The following LGR5 variants were observed in gnomAD, a reference collection of about 807,000 sequenced individuals.
LGR5 encodes leucine-rich repeat-containing G protein-coupled receptor 5.
Under a neutral mutation model 76.7 loss-of-function variants are expected in LGR5, and 54 were observed. That is an observed-to-expected ratio of 0.70 (90% confidence interval 0.57 to 0.88). The LOEUF (loss-of-function observed/expected upper bound fraction) is 0.88, where lower values mean the gene tolerates loss of function less well. Among genes scored for constraint, LGR5 ranks in the 40% least tolerant of loss-of-function variants. LGR5 has a pLI of 0.00. For missense variants in LGR5, 1,078 were observed against 1,073.3 expected (o/e 1.00, Z -0.06); for synonymous variants, 406 against 421.9 (o/e 0.96, Z 0.46).
chr12:71,449,037 T>C (rs995646377), intron 1 of LGR5, among the ~76,000 whole-genome samples: 2 of 152,220 alleles, frequency 1.3e-5, no homozygotes, highest in Non-Finnish European at 2.9e-5. Context: ...CTGACGGAAC[T>C]GAGAGACTGT....
chr12:71,553,034 TTTGCTCTCTTTTCCATTC>T lies in LGR5; in HGVS notation c.429-33_429-16del, dbSNP rs540583176. ...TGCAAAGTTGACCTTCTGCTTGGGC[TTTGCTCTCTTTTCCATTC>T]TTGCTTTCTTTCTTCCACAGGCGTC... On this transcript the variant is annotated intron_variant, in intron 4 of 17. Transcript: ENST00000266674. 1.1e-4 allele frequency: 176 copies of T among 1,589,802 alleles called. No homozygotes were observed. In the East Asian group the frequency reaches 3.7e-3, roughly 34 times the overall value.
chr12:71,578,810 A>G lies in LGR5; in HGVS notation c.1287A>G (p.Leu429=), dbSNP rs199989944. 6 of 1,606,840 alleles carry G rather than the reference A, an allele frequency of 3.7e-6. No individual in the cohort carries two copies. The highest frequency in any genetic ancestry group is 5.1e-6 in the Non-Finnish European group (6 of 1,176,942). The change falls in exon 15 of 18, where the codon CTA becomes CTG. Residue 429 remains leucine, a synonymous_variant. Transcript: ENST00000266674. ...STLPSLIKLD[L]SSNLLSSFPI... is the part of the protein sequence containing the mutation. Reference sequence around the variant, plus strand: ...GTTGTTTGATGTTTTGCAGGGACCTATCGTCCAACCTCCTGTCGTCTTTTC... The same window carrying G: ...GTTGTTTGATGTTTTGCAGGGACCTGTCGTCCAACCTCCTGTCGTCTTTTC...
chr12:71,493,635 G>A (rs908361508), intron 1 of LGR5, among the ~76,000 whole-genome samples: 1 of 151,068 alleles, frequency 6.6e-6, no homozygotes, highest in Non-Finnish European at 1.5e-5. Context: ...ATGAGTTTGT[G>A]GATTTAGAAT....
intron 1 of LGR5, among the ~76,000 whole-genome samples, chr12:71,455,838 A>C (rs531661274): frequency 1.3e-5 from 2 of 152,362 alleles, no homozygotes; most frequent in East Asian, 3.9e-4. Context: ...TGATAAATTA[A>C]CATTGTATAT....
At chr12:71,535,904 T>C (rs1330906906) in intron 4 of LGR5, among the ~76,000 whole-genome samples, 1 of 152,204 alleles carries the variant, frequency 6.6e-6, no homozygotes, top group Non-Finnish European at 1.5e-5. Context: ...TAAATAAAAT[T>C]ACTCACAAAA....
chr12:71,516,354 G>A (rs1875436620), intron 2 of LGR5, among the ~76,000 whole-genome samples: 1 of 152,148 alleles, frequency 6.6e-6, no homozygotes, highest in African/African-American at 2.4e-5. Context: ...AGAAATTTGT[G>A]CAAGAACTGA....
In LGR5 at chr12:71,440,176, G is replaced by T; in HGVS notation, c.96G>T (p.Arg32Ser). 1 of 1,611,900 alleles carries T rather than the reference G, an allele frequency of 6.2e-7. No individual in the cohort carries two copies. Among genetic ancestry groups the T allele is most frequent in the Non-Finnish European group, 8.5e-7 (1 of 1,179,684 alleles). Reference sequence around the variant, plus strand: ...CTCCCAGGTCTGGTGTGTTGCTGAGGGGCTGCCCCACACACTGTCATTGCG... The same window carrying T: ...CTCCCAGGTCTGGTGTGTTGCTGAGTGGCTGCCCCACACACTGTCATTGCG... ...GSSPRSGVLLRGCPTHCHCEP... is the reference protein window; with the variant it reads ...GSSPRSGVLLSGCPTHCHCEP... The change falls in exon 1 of 18, where the codon AGG (arginine) becomes AGT (serine). Residue 32 changes from arginine (R) to serine (S), a missense_variant. Transcript: ENST00000266674. This position sits in a 1 kb window ranked among gnomAD's most constrained non-coding sequence, Gnocchi z 5.3.
chr12:71,556,555 A>G (rs921120552), intron 5 of LGR5, 64 bp from the exon 6 acceptor site: 2 of 1,053,388 alleles, frequency 1.9e-6, no homozygotes, highest in African/African-American at 3.1e-5. Context: ...GATTTAAGCT[A>G]TCAAAATGTT....
rs961356618 is a variant in LGR5, at chr12:71,566,616, A to G, written c.930-16A>G. ...AGAATCTTCTACCAGTAATACTTAT[A>G]TACTCCTCTTTCTAGGACTCTGAAT... On this transcript the variant is annotated splice_polypyrimidine_tract_variant and intron_variant, in intron 9 of 17. Coordinates refer to ENST00000266674, the MANE Select transcript of LGR5 (RefSeq NM_003667.4). The G allele has an allele frequency of 5.6e-6, 9 of 1,601,184 alleles. No homozygotes were observed. The highest frequency in any genetic ancestry group is 5.0e-5 in the Admixed American group (3 of 59,962).
intron 4 of LGR5, among the ~76,000 whole-genome samples, chr12:71,551,706 G>A (rs1015576537): frequency 2.0e-5 from 3 of 152,066 alleles, no homozygotes; most frequent in Non-Finnish European, 2.9e-5. Flanking sequence ...GTTGGACTGG[G>A]GCAAAATAAA....
chr12:71,497,955 T>C (rs908004977), intron 1 of LGR5, among the ~76,000 whole-genome samples: 28 of 152,186 alleles, frequency 1.8e-4, no homozygotes, highest in African/African-American at 6.3e-4. Context: ...ACAAAGTACC[T>C]ACTTTAGTCA....
At chr12:71,536,706 A>G (rs754636459) in intron 4 of LGR5, among the ~76,000 whole-genome samples, 1 of 152,246 alleles carries the variant, frequency 6.6e-6, no homozygotes, top group Non-Finnish European at 1.5e-5. Flanking sequence ...AAAAGCCACT[A>G]TCAGCTGAAA....
At chr12:71,472,792 AC>A (rs1873156272) in intron 1 of LGR5, among the ~76,000 whole-genome samples, 1 of 152,232 alleles carries the variant, frequency 6.6e-6, no homozygotes, top group Non-Finnish European at 1.5e-5. Context: ...TACTGGCTAA[AC>A]AAGAGCTTCT....
intron 13 of LGR5, among the ~76,000 whole-genome samples, chr12:71,576,038 T>A (rs1878840643): frequency 6.6e-6 from 1 of 151,912 alleles, no homozygotes; most frequent in African/African-American, 2.4e-5. Flanking sequence ...AGCTGAACAA[T>A]AAGAACACAT....
intron 4 of LGR5, among the ~76,000 whole-genome samples, chr12:71,542,870 G>GA (rs139080060): frequency 1.3e-4 from 19 of 143,956 alleles, no homozygotes; most frequent in Admixed American, 2.1e-4. Flanking sequence ...TGGATGGAAA[G>GA]AAAAAAAAAA....
chr12:71,456,540 A>G (rs1442007259), intron 1 of LGR5, among the ~76,000 whole-genome samples: 1 of 152,178 alleles, frequency 6.6e-6, no homozygotes, highest in Non-Finnish European at 1.5e-5. Flanking sequence ...ATAAAGGGAA[A>G]GCTCAATGGA....
At chr12:71,562,776 G>A (rs1878125585) in intron 8 of LGR5, among the ~76,000 whole-genome samples, 1 of 152,162 alleles carries the variant, frequency 6.6e-6, no homozygotes, top group African/African-American at 2.4e-5. Flanking sequence ...AAGGACAACT[G>A]TTAAACATGA....
At chr12:71,575,507 G>T (rs1878807186) in intron 13 of LGR5, among the ~76,000 whole-genome samples, 5 of 152,064 alleles carry the variant, frequency 3.3e-5, no homozygotes, top group African/African-American at 1.2e-4. Context: ...TCAGGAGTTC[G>T]AGATCAGTGT....
intron 3 of LGR5, among the ~76,000 whole-genome samples, chr12:71,530,509 G>A (rs1423528267): frequency 6.6e-6 from 1 of 152,216 alleles, no homozygotes; most frequent in African/African-American, 2.4e-5. Flanking sequence ...GGAGAATGAA[G>A]ACAGCAGCAG....
Sources: gnomAD v4.1 joint callset for allele counts (sites outside exome capture counted in the v4.1 genomes callset) on GRCh38, gnomAD v4.1.1 for gene constraint, Gnocchi (gnomAD v3.1) non-coding constraint, MANE v1.5 for transcripts, NCBI Gene and HGNC (gene_info 2026-07-23, HGNC 2026-07-21) for gene names.